CMYA5: variants seen among roughly 807,000 people sequenced by gnomAD.
CMYA5 encodes cardiomyopathy associated 5, also known as cardiomyopathy-associated protein 5.
CMYA5 carries 246 observed loss-of-function variants against 318.9 expected under a neutral mutation model. That is an observed-to-expected ratio of 0.77 (90% CI 0.70 to 0.86). CMYA5 has a LOEUF of 0.86. Ranked by LOEUF, CMYA5 falls within the 40% of genes least tolerant of loss-of-function variation. The pLI is 0.00. For missense variants in CMYA5, 4,589 were observed against 4,678.2 expected (o/e 0.98, Z 0.56); for synonymous variants, 1,641 against 1,729.5 (o/e 0.95, Z 1.27).
intron 7 of CMYA5, among the ~76,000 whole-genome samples, chr5:79,761,108 AT>A (rs1233458060): frequency 1.3e-5 from 2 of 152,226 alleles, no homozygotes; most frequent in Admixed American, 6.5e-5. Flanking sequence ...GAATAATCAA[AT>A]TGGCCCAAAT....
At position 79,799,847 on chromosome 5, in the gene CMYA5, T is replaced by C; in HGVS notation, c.*231T>C. The C allele has an allele frequency of 2.9e-6, 1 of 347,786 alleles. No individual in the cohort carries two copies. Among genetic ancestry groups the C allele is most frequent in the Non-Finnish European group, 5.2e-6 (1 of 192,072 alleles). The allele number at this position is 347,786 out of a possible 1,614,324, so 21.5% of individuals were successfully genotyped here. On this transcript the variant is annotated 3_prime_UTR_variant, in exon 13 of 13. Transcript: ENST00000446378. ...AACAACCTCCACTCTTTAGTTTATA[T>C]AAGTTTGAGTTCTTTCCTAAATTAA...
rs560586370 is a variant in CMYA5, at chr5:79,762,849, G to A, written c.11408-213G>A. The A allele has an allele frequency of 2.1e-4, 108 of 524,198 alleles. No individual in the cohort carries two copies. In the East Asian group the frequency reaches 3.0e-3, roughly 15 times the overall value. The allele number at this position is 524,198 out of a possible 1,614,324, so 32.5% of individuals were successfully genotyped here. ...AAGCTACTATTAGGGGCTGTTTGGGGATGGGTGAGAACTGGGCAATGTGGA... is the reference window on the plus strand; with the variant it reads ...AAGCTACTATTAGGGGCTGTTTGGGAATGGGTGAGAACTGGGCAATGTGGA... On this transcript the variant is annotated intron_variant, in intron 8 of 12. Coordinates refer to ENST00000446378, the MANE Select transcript of CMYA5 (RefSeq NM_153610.5).
At chr5:79,747,241 CTT>C (rs1828347579) in intron 5 of CMYA5, 128 bp downstream of exon 5, 4 of 765,412 alleles carry the variant, frequency 5.2e-6, no homozygotes, top group Non-Finnish European at 3.9e-6. Context: ...AGTATTTTCA[CTT>C]TTAGACACAG....
intron 1 of CMYA5, among the ~76,000 whole-genome samples, chr5:79,700,781 T>A (rs1483819675): frequency 1.3e-5 from 2 of 152,192 alleles, no homozygotes; most frequent in East Asian, 3.9e-4. Context: ...CTGGAGATCA[T>A]TACGTTAAGG....
intron 1 of CMYA5, among the ~76,000 whole-genome samples, chr5:79,698,836 T>C (rs1194768023): frequency 6.6e-6 from 1 of 152,214 alleles, no homozygotes; most frequent in African/African-American, 2.4e-5. Context: ...TAGAACGCAG[T>C]GCCTGCTACA....
Position 79,763,165 on chromosome 5 carries a change from T to C in CMYA5, c.11511T>C (p.Thr3837=). 6.2e-7 allele frequency: 1 copy of C among 1,612,036 alleles called. No homozygotes were observed. Among genetic ancestry groups the C allele is most frequent in the East Asian group, 2.2e-5 (1 of 44,822 alleles). ...PTTPEATETY[T]LEYCRQHSPE... ...CCCCAGAGGCCACGGAGACCTACAC[T>C]CTGGAGTACTGCAGACAGCACTCTC... is the stretch of plus-strand genomic sequence containing the variant. Residue 3837 remains threonine, a synonymous_variant, in exon 9 of 13, where the codon ACT becomes ACC. Transcript: ENST00000446378.
At chr5:79,694,094 C>T (rs193247181) in intron 1 of CMYA5, among the ~76,000 whole-genome samples, 39 of 152,132 alleles carry the variant, frequency 2.6e-4, no homozygotes, top group African/African-American at 8.4e-4. Flanking sequence ...GGTAATGGGG[C>T]GAGTGGTCAG....
intron 9 of CMYA5, among the ~76,000 whole-genome samples, chr5:79,772,538 G>A (rs189249914): frequency 6.6e-6 from 1 of 152,216 alleles, no homozygotes; most frequent in Admixed American, 6.5e-5. Flanking sequence ...TTTTGAGGCA[G>A]GAAAAAATTT....
intron 9 of CMYA5, among the ~76,000 whole-genome samples, chr5:79,775,520 A>C (rs1053517017): frequency 6.6e-6 from 1 of 152,202 alleles, no homozygotes; most frequent in Admixed American, 6.5e-5. Flanking sequence ...TGGCAGCTAA[A>C]GAGAAAACAG....
At chr5:79,741,591 T>C (rs1828208365) in intron 2 of CMYA5, among the ~76,000 whole-genome samples, 1 of 152,038 alleles carries the variant, frequency 6.6e-6, no homozygotes, top group African/African-American at 2.4e-5. Flanking sequence ...GGTTAGGGAG[T>C]AGGGCAACTT....
chr5:79,778,162 T>C (rs963574327), intron 9 of CMYA5: 7 of 152,288 alleles, frequency 4.6e-5, no homozygotes, highest in East Asian at 1.9e-4. Context: ...TATTTACCAA[T>C]TGAGAGGCAT....
chr5:79,713,793 G>A (rs1827459710), intron 1 of CMYA5, among the ~76,000 whole-genome samples: 1 of 152,156 alleles, frequency 6.6e-6, no homozygotes, highest in Non-Finnish European at 1.5e-5. Flanking sequence ...AATAAATGGA[G>A]TTTATGCATG....
chr5:79,791,688 C>G (rs1344456980), intron 11 of CMYA5, among the ~76,000 whole-genome samples: 2 of 145,068 alleles, frequency 1.4e-5, no homozygotes, highest in Admixed American at 7.0e-5. Context: ...CCATTGCACT[C>G]CAGCCTGGGA....
intron 1 of CMYA5, among the ~76,000 whole-genome samples, chr5:79,709,935 T>C (rs1456353008): frequency 9.1e-6 from 1 of 110,442 alleles, no homozygotes; most frequent in Non-Finnish European, 1.6e-5. Context: ...AGCTCCAGCC[T>C]GGGTGACAGA....
At chr5:79,720,258 C>T (rs1827594718) in intron 1 of CMYA5, among the ~76,000 whole-genome samples, 1 of 151,974 alleles carries the variant, frequency 6.6e-6, no homozygotes, top group African/African-American at 2.4e-5. Context: ...TGAAGACAAC[C>T]ACCAAATCAC....
At chr5:79,741,020 C>T (rs1455619208) in intron 2 of CMYA5, among the ~76,000 whole-genome samples, 1 of 152,110 alleles carries the variant, frequency 6.6e-6, no homozygotes, top group South Asian at 2.1e-4. Flanking sequence ...GGAATATAGT[C>T]ATGCACTGCC....
intron 9 of CMYA5, among the ~76,000 whole-genome samples, chr5:79,781,671 C>G (rs1374967888): frequency 1.7e-5 from 1 of 60,056 alleles, no homozygotes; most frequent in Non-Finnish European, 2.6e-5. Flanking sequence ...AGGAATGTAT[C>G]CATTTCTTCT....
chr5:79,739,434 A>AATAT, intron 2 of CMYA5, 31 bp downstream of exon 2: 1 of 1,392,306 alleles, frequency 7.2e-7, no homozygotes, highest in South Asian at 1.5e-5. Flanking sequence ...CATAATTAAT[A>AATAT]ATATATATAT....
intron 1 of CMYA5, among the ~76,000 whole-genome samples, chr5:79,696,049 G>T (rs1424414973): frequency 1.3e-5 from 2 of 152,194 alleles, no homozygotes; most frequent in African/African-American, 4.8e-5. Flanking sequence ...TGAGTAAAGG[G>T]CAAGCCTTCC....
Sources: allele counts gnomAD v4.1 joint callset (sites outside exome capture counted in the v4.1 genomes callset), GRCh38; gene constraint gnomAD v4.1.1; transcripts MANE v1.5; gene names NCBI Gene and HGNC (gene_info 2026-07-23, HGNC 2026-07-21).